The following PTRH2 variants were observed in gnomAD, a reference collection of about 807,000 sequenced individuals.
PTRH2 encodes peptidyl-tRNA hydrolase 2, mitochondrial.
PTRH2 carries 10 observed loss-of-function variants against 12.3 expected under a neutral mutation model. The ratio of observed to expected loss-of-function variants is 0.81; its 90% CI spans 0.50 to 1.38. The LOEUF is 1.38. PTRH2 is among the 40% of genes most tolerant of loss of function. The pLI, the probability that PTRH2 is intolerant of heterozygous loss-of-function variation, is 0.00. For synonymous variants in PTRH2, 73 were observed against 77.4 expected (o/e 0.94, Z 0.30); for missense variants, 176 against 214.1 (o/e 0.82, Z 1.11).
Position 59,701,798 on chromosome 17 carries a change from C to CG in PTRH2, c.1-3821dup, listed in dbSNP as rs1280214332. ...TCAGCTCACTGCCAGCTCCGCCTCC[C>CG]GGGTTCATGCCATTCTCCTGCCTCA... On this transcript the variant is annotated intron_variant, in intron 1 of 1. Transcript: ENST00000393038. 3.9e-5 allele frequency among the ~76,000 whole-genome samples: 6 copies of CG among 152,074 alleles called. No homozygotes were observed. The East Asian group carries it at 1.2e-3, about 29-fold the overall frequency.
chr17:59,698,238 A>AC, intron 1 of PTRH2: 1 of 487,730 alleles, frequency 2.1e-6, no homozygotes, highest in South Asian at 3.0e-5. Flanking sequence ...AAGTTCAAAA[A>AC]CTCTATTCCT....
At position 59,697,374 on chromosome 17, in the gene PTRH2, G is replaced by GTTGT. The variant is rs2033455711; in HGVS notation, c.*61_*64dup. ...AGTTGGGTGAAGAAATTCAGCTTTT[G>GTTGT]TTGTTAGAATCTGACAGGCTTCAAA... On this transcript the variant is annotated 3_prime_UTR_variant, in exon 2 of 2. Transcript: ENST00000393038. 5.4e-6 allele frequency: 8 copies of GTTGT among 1,479,210 alleles called. No individual in the cohort carries two copies. The Admixed American group carries it at 1.5e-4, about 28-fold the overall frequency. 91.6% of individuals were successfully genotyped at this position (1,479,210 alleles called of 1,614,324 possible). A position where few individuals can be genotyped will look rare whatever the true frequency, so the allele number is the denominator to read the frequency against.
chr17:59,703,115 A>G (rs903382035), intron 1 of PTRH2, among the ~76,000 whole-genome samples: 13 of 152,140 alleles, frequency 8.5e-5, no homozygotes, highest in African/African-American at 3.1e-4. Context: ...CCTGAGCTCA[A>G]GCAATCCTCC....
At chr17:59,703,964 C>T (rs1231904726) in intron 1 of PTRH2, among the ~76,000 whole-genome samples, 4 of 151,400 alleles carry the variant, frequency 2.6e-5, no homozygotes, top group Middle Eastern at 3.4e-3. Flanking sequence ...TGTGCTACCA[C>T]ACCCGGCTAA....
At chr17:59,706,675 CTTTT>C (rs34194454) in intron 1 of PTRH2, among the ~76,000 whole-genome samples, 1 of 138,926 alleles carries the variant, frequency 7.2e-6, no homozygotes, top group Non-Finnish European at 1.5e-5. Flanking sequence ...TTTTTTCTTT[CTTTT>C]TTTTTTTTTT....
intron 1 of PTRH2, 170 bp from the exon 2 acceptor site, chr17:59,698,148 C>T (rs2033483240): frequency 1.6e-6 from 1 of 636,104 alleles, no homozygotes; most frequent in East Asian, 2.7e-5. Flanking sequence ...TTGCCCACCA[C>T]CAGTGTACTA....
chr17:59,697,544 A>G lies in PTRH2; in HGVS notation c.435T>C (p.Asp145=). The change falls in exon 2 of 2, where the codon GAT becomes GAC. Residue 145 remains aspartate, a synonymous_variant. Coordinates refer to ENST00000393038, the MANE Select transcript of PTRH2 (RefSeq NM_016077.5). Reference sequence around the variant, plus strand: ...CTGGTGCAATCTGAGTACGTCCAGCATCTTGAATTAAACTTACAGTCAGTC... The same window carrying G: ...CTGGTGCAATCTGAGTACGTCCAGCGTCTTGAATTAAACTTACAGTCAGTC... The part of the protein sequence containing the change: ...MLGLTVSLIQ[D]AGRTQIAPGS... 1 of 1,614,230 alleles carries G rather than the reference A, an allele frequency of 6.2e-7. No individual in the cohort carries two copies. Among genetic ancestry groups the G allele is most frequent in the Non-Finnish European group, 8.5e-7 (1 of 1,180,034 alleles).
intron 1 of PTRH2, among the ~76,000 whole-genome samples, chr17:59,703,243 C>A (rs530756389): frequency 6.6e-6 from 1 of 151,964 alleles, no homozygotes; most frequent in Non-Finnish European, 1.5e-5. Context: ...AGGCTGGTCT[C>A]GAACTCTGGG....
At chr17:59,702,282 T>C (rs1053619878) in intron 1 of PTRH2, among the ~76,000 whole-genome samples, 2 of 152,160 alleles carry the variant, frequency 1.3e-5, no homozygotes, top group African/African-American at 4.8e-5. Flanking sequence ...AAAAAGGTGT[T>C]TGACAGTCCC....
At chr17:59,700,609 G>A (rs1224182106) in intron 1 of PTRH2, 1 of 152,122 alleles carries the variant, frequency 6.6e-6, no homozygotes, top group Non-Finnish European at 1.5e-5. Context: ...ATTCGTTTGA[G>A]GTGGGGTCAA....
At position 59,697,866 on chromosome 17, in the gene PTRH2, C is replaced by T; in HGVS notation, c.113G>A (p.Gly38Glu). ...CLGWSLRVCF[G>E]MLPKSKTSKT... ...GCTCGTCTTGCTTTTGGGGAGCATC[C>T]CAAAGCATACTCGAAGGCTCCAGCC... Residue 38 changes from glycine to glutamate, a missense_variant, in exon 2 of 2, where the codon GGG becomes GAG. Coordinates refer to ENST00000393038, the MANE Select transcript of PTRH2 (RefSeq NM_016077.5). 1 of 1,614,126 alleles carries T rather than the reference C, an allele frequency of 6.2e-7. No homozygotes were observed. The highest frequency in any genetic ancestry group is 1.1e-5 in the South Asian group (1 of 91,072).
Position 59,697,465 on chromosome 17 carries a change from C to T in PTRH2, c.514G>A (p.Val172Ile), listed in dbSNP as rs1555609098. Reference protein sequence around the residue: ...GPGPADLIDKVTGHLKLY With the variant: ...GPGPADLIDKITGHLKLY ...TAGTAAAGTTTTAGGTGACCAGTGA[C>T]TTTGTCAATTAGGTCTGCTGGTCCT... Residue 172 changes from valine to isoleucine, a missense_variant, in exon 2 of 2, where the codon GTC becomes ATC. Coordinates refer to ENST00000393038, the MANE Select transcript of PTRH2 (RefSeq NM_016077.5). The T allele has an allele frequency of 2.5e-6, 4 of 1,612,260 alleles. No individual in the cohort carries two copies. Among genetic ancestry groups the T allele is most frequent in the Non-Finnish European group, 3.4e-6 (4 of 1,178,472 alleles).
chr17:59,700,166 A>G (rs1023949431), intron 1 of PTRH2: 8 of 152,240 alleles, frequency 5.3e-5, no homozygotes, highest in Admixed American at 4.6e-4. Flanking sequence ...GAGACTGTCC[A>G]TACTGAATTT....
intron 1 of PTRH2, chr17:59,701,139 G>A (rs2033547717): frequency 6.6e-6 from 1 of 152,224 alleles, no homozygotes; most frequent in Non-Finnish European, 1.5e-5. Context: ...CTACTGAAAT[G>A]GTAGTTGGAT....
rs182679772 is a variant in PTRH2 at position 59,707,429 on chromosome 17, C to G, written c.-59G>C. On this transcript the variant is annotated 5_prime_UTR_variant, in exon 1 of 2. Transcript: ENST00000393038. ...CTTCTTCTGGGCAGCGAACACGTTT[C>G]TATCGCGTGAGCTACCTCTTCCGGG... 1 of 152,698 alleles carries G rather than the reference C, an allele frequency of 6.5e-6. No homozygotes were observed. The highest frequency in any genetic ancestry group is 2.4e-5 in the African/African-American group (1 of 41,440). The allele number at this position is 152,698 out of a possible 1,614,324, so 9.5% of individuals were successfully genotyped here.
Position 59,697,332 on chromosome 17 carries a change from C to T in PTRH2, c.*107G>A. 1.5e-6 allele frequency: 2 copies of T among 1,313,868 alleles called. No individual in the cohort carries two copies. Among genetic ancestry groups the T allele is most frequent in the African/African-American group, 1.5e-5 (1 of 67,570 alleles). The allele number at this position is 1,313,868 out of a possible 1,614,324, so 81.4% of individuals were successfully genotyped here. A position where few individuals can be genotyped will look rare whatever the true frequency, so the allele number is the denominator to read the frequency against. On this transcript the variant is annotated 3_prime_UTR_variant, in exon 2 of 2. Transcript: ENST00000393038. ...AGAACATGGGAATAGGTTTTATTTT[C>T]ATCTCAAGAACATTTAAGTTGGGTG...
In PTRH2 at chr17:59,697,419, G is replaced by A; in HGVS notation, c.*20C>T. 3 of 1,589,632 alleles carry A rather than the reference G, an allele frequency of 1.9e-6. No individual in the cohort carries two copies. The highest frequency in any genetic ancestry group is 1.7e-6 in the Non-Finnish European group (2 of 1,164,268). ...TTCAAACACTTGTGATGGAGGGGTTGTTGTCATATCAAAGTCCACCTAGTA... is the reference window on the plus strand; with the variant it reads ...TTCAAACACTTGTGATGGAGGGGTTATTGTCATATCAAAGTCCACCTAGTA... On this transcript the variant is annotated 3_prime_UTR_variant, in exon 2 of 2. Coordinates refer to ENST00000393038, the MANE Select transcript of PTRH2 (RefSeq NM_016077.5).
intron 1 of PTRH2, chr17:59,700,505 T>C (rs1378671482): frequency 6.6e-6 from 1 of 152,240 alleles, no homozygotes. Flanking sequence ...CTTATAAATT[T>C]CCTTTATGTT....
intron 1 of PTRH2, 185 bp downstream of exon 1, chr17:59,707,186 T>G (rs1359660491): frequency 6.6e-6 from 1 of 152,114 alleles, no homozygotes; most frequent in Non-Finnish European, 1.5e-5. Flanking sequence ...CCTGTTCCTT[T>G]CCTCCAAAGG....
Sources: allele counts gnomAD v4.1 joint callset (sites outside exome capture counted in the v4.1 genomes callset), GRCh38; gene constraint gnomAD v4.1.1; transcripts MANE v1.5; gene names NCBI Gene and HGNC (gene_info 2026-07-23, HGNC 2026-07-21).